The following DHX57 variants were observed in gnomAD, a reference collection of about 807,000 sequenced individuals.
The protein encoded by DHX57 is DExH-box helicase 57.
A neutral mutation model predicts 156.2 loss-of-function variants in DHX57; 105 were observed. The observed-to-expected ratio is 0.67, with a 90% CI of 0.57 to 0.79. The LOEUF (loss-of-function observed/expected upper bound fraction) is 0.79. Among genes scored for constraint, DHX57 ranks in the 30% least tolerant of loss-of-function variants. The probability of loss-of-function intolerance (pLI) is 0.00; values close to 1 mark genes in which losing one functional copy is unlikely to be tolerated. For synonymous variants in DHX57, 704 were observed against 595.6 expected (o/e 1.18, Z -2.65); for missense variants, 1,847 against 1,661.9 (o/e 1.11, Z -1.94).
chr2:38,862,467 C>A, intron 3 of DHX57, 134 bp from the exon 4 acceptor site: 2 of 846,454 alleles, frequency 2.4e-6, no homozygotes, highest in East Asian at 3.0e-5. Flanking sequence ...TTATATTGAA[C>A]TATTAATTTA....
chr2:38,862,526 G>T, intron 3 of DHX57, 193 bp from the exon 4 acceptor site: 1 of 471,498 alleles, frequency 2.1e-6, no homozygotes, highest in Non-Finnish European at 3.5e-6. Context: ...ACCAGTTACT[G>T]TGTTAAGTGC....
chr2:38,798,228 T>G lies in DHX57; in HGVS notation c.*71A>C. ...GCCCCAATAGGTCTTTAGTTCGAGGTAGAGGTTCTGCTGTTATTTCCCAGG... is the reference window on the plus strand; with the variant it reads ...GCCCCAATAGGTCTTTAGTTCGAGGGAGAGGTTCTGCTGTTATTTCCCAGG... On this transcript the variant is annotated 3_prime_UTR_variant, in exon 24 of 24. Transcript: ENST00000457308. 1 of 1,550,554 alleles carries G rather than the reference T, an allele frequency of 6.4e-7. No individual in the cohort carries two copies. Among genetic ancestry groups the G allele is most frequent in the Non-Finnish European group, 8.7e-7 (1 of 1,151,590 alleles).
Position 38,855,186 on chromosome 2 carries a change from C to A in DHX57, c.1776G>T (p.Lys592Asn), listed in dbSNP as rs1397857118. 1.9e-6 allele frequency: 3 copies of A among 1,614,142 alleles called. No homozygotes were observed. The highest frequency in any genetic ancestry group is 2.5e-6 in the Non-Finnish European group (3 of 1,180,018). ...LDDSLNGPPE[K>N]VANIICTQPR... is the part of the protein sequence containing the mutation. ...GTTGGGTACAGATGATGTTGGCTAC[C>A]TTCTCAGGTGGTCCATTCAGAGAAT... is the stretch of plus-strand genomic sequence containing the variant. Residue 592 changes from lysine (K) to asparagine (N), a missense_variant, in exon 8 of 24, where the codon AAG (lysine) becomes AAT (asparagine). Coordinates refer to ENST00000457308, the MANE Select transcript of DHX57 (RefSeq NM_198963.3).
At chr2:38,844,204 A>G (rs1672150252) in intron 11 of DHX57, among the ~76,000 whole-genome samples, 1 of 152,196 alleles carries the variant, frequency 6.6e-6, no homozygotes, top group Non-Finnish European at 1.5e-5. Context: ...CGGTGGTGGT[A>G]TGGTATAGAA....
At chr2:38,812,724 G>C (rs1192878399) in intron 21 of DHX57, among the ~76,000 whole-genome samples, 2 of 151,584 alleles carry the variant, frequency 1.3e-5, no homozygotes, top group Non-Finnish European at 2.9e-5. Context: ...GTAGAGATGG[G>C]GTTTCTCCAT....
At chr2:38,826,074 G>C in intron 15 of DHX57, 27 bp from the exon 16 acceptor site, 14 of 1,602,596 alleles carry the variant, frequency 8.7e-6, no homozygotes, top group Non-Finnish European at 1.2e-5. Context: ...AATATAAATT[G>C]AGTCATTTTA....
intron 13 of DHX57, among the ~76,000 whole-genome samples, chr2:38,831,784 G>A (rs747841395): frequency 6.6e-6 from 1 of 150,632 alleles, no homozygotes; most frequent in East Asian, 2.0e-4. Flanking sequence ...TTGAACCCGG[G>A]AGGCGGAGGT....
At chr2:38,813,691 A>T in intron 21 of DHX57, 130 bp downstream of exon 21, 2 of 1,074,462 alleles carry the variant, frequency 1.9e-6, no homozygotes, top group African/African-American at 1.6e-5. Context: ...TACTAAGTTT[A>T]AAAGGGTGTG....
chr2:38,870,055 ATAC>A (rs776631979), intron 1 of DHX57, among the ~76,000 whole-genome samples: 37 of 152,296 alleles, frequency 2.4e-4, no homozygotes, highest in South Asian at 1.2e-3. Context: ...GTTGAAAAGT[ATAC>A]TAATTGAAAT....
intron 21 of DHX57, among the ~76,000 whole-genome samples, chr2:38,809,746 A>T (rs950936760): frequency 1.3e-5 from 2 of 151,978 alleles, no homozygotes; most frequent in African/African-American, 4.8e-5. Flanking sequence ...TGCAGGCGTG[A>T]GCCACCGCAC....
chr2:38,852,642 G>GTTTTTTTTTT, intron 9 of DHX57, among the ~76,000 whole-genome samples: 1 of 139,018 alleles, frequency 7.2e-6, no homozygotes, highest in African/African-American at 2.7e-5. Context: ...GGAGTCTCAT[G>GTTTTTTTTTT]ATATTTCCCA....
chr2:38,816,156 C>T (rs72797353), intron 19 of DHX57: 20,135 of 470,986 alleles, frequency 0.043, 652 homozygotes, highest in African/African-American at 0.11. Context: ...CTTTCTCCTT[C>T]ATTATGGTCT....
chr2:38,867,224 G>C (rs560793609), intron 2 of DHX57: 2 of 152,146 alleles, frequency 1.3e-5, no homozygotes, highest in East Asian at 3.9e-4. Context: ...GTACCATCTG[G>C]GGTTGTGTAA....
At chr2:38,815,732 TA>T (rs1407412738) in intron 19 of DHX57, 77 bp from the exon 20 acceptor site, 15 of 1,575,206 alleles carry the variant, frequency 9.5e-6, no homozygotes, top group Non-Finnish European at 1.3e-5. Context: ...TGAGTGATTA[TA>T]AAAATGCATT....
At chr2:38,831,685 T>C (rs1273844390) in intron 13 of DHX57, among the ~76,000 whole-genome samples, 2 of 151,430 alleles carry the variant, frequency 1.3e-5, no homozygotes, top group Admixed American at 6.6e-5. Flanking sequence ...TGAAACCCTG[T>C]CTCTACTAAA....
At chr2:38,858,107 G>T (rs1421117030) in intron 6 of DHX57, among the ~76,000 whole-genome samples, 1 of 152,160 alleles carries the variant, frequency 6.6e-6, no homozygotes, top group East Asian at 1.9e-4. Flanking sequence ...TGTTGCCCAG[G>T]CTGGAGTACA....
rs1377445912 is a variant in DHX57 at position 38,825,930 on chromosome 2, G to A, written c.2931C>T (p.Phe977=). Residue 977 remains phenylalanine, a synonymous_variant, in exon 16 of 24, where the codon TTC becomes TTT. Transcript: ENST00000457308. ...GCTGGTGATTGTAGTGATGGCTAGT[G>A]AATAAATGGAAGCAGACCCCAGATG... is the stretch of plus-strand genomic sequence containing the variant. ...RVASGVCFHL[F]TSHHYNHQLL... 2 of 1,614,170 alleles carry A rather than the reference G, an allele frequency of 1.2e-6. No individual in the cohort carries two copies. Among genetic ancestry groups the A allele is most frequent in the South Asian group, 1.1e-5 (1 of 91,082 alleles).
At chr2:38,848,632 T>C (rs1221268855) in intron 9 of DHX57, among the ~76,000 whole-genome samples, 3 of 152,232 alleles carry the variant, frequency 2.0e-5, no homozygotes, top group Admixed American at 2.0e-4. Context: ...TTTCAAATTT[T>C]CTCAGATTTT....
intron 21 of DHX57, chr2:38,810,559 T>C (rs1275712835): frequency 2.1e-5 from 12 of 577,538 alleles, no homozygotes; most frequent in Non-Finnish European, 3.6e-5. Context: ...GCTCACCTGC[T>C]CTCCACTGTA....
Sources: allele counts gnomAD v4.1 joint callset (sites outside exome capture counted in the v4.1 genomes callset), GRCh38; gene constraint gnomAD v4.1.1; transcripts MANE v1.5; gene names NCBI Gene and HGNC (gene_info 2026-07-23, HGNC 2026-07-21).